The following BNC2 variants were observed in gnomAD, a reference collection of about 807,000 sequenced individuals.
BNC2 encodes zinc finger protein basonuclin-2.
BNC2 carries 20 observed loss-of-function variants against 76.3 expected under a neutral mutation model. The ratio of observed to expected loss-of-function variants is 0.26; its 90% CI spans 0.18 to 0.38. BNC2 has a LOEUF of 0.38. Ranked by LOEUF, BNC2 falls within the 10% of genes least tolerant of loss-of-function variation. BNC2 has a pLI of 1.00. For missense variants in BNC2, 1,382 were observed against 1,399.8 expected (o/e 0.99, Z 0.20); for synonymous variants, 582 against 514.8 (o/e 1.13, Z -1.77).
At chr9:16,556,485 C>T (rs1818835306) in intron 4 of BNC2, among the ~76,000 whole-genome samples, 1 of 150,584 alleles carries the variant, frequency 6.6e-6, no homozygotes, top group Non-Finnish European at 1.5e-5. Flanking sequence ...AAATATTAAA[C>T]TGGGCCAGGC....
At position 16,435,640 on chromosome 9, in the gene BNC2, A is replaced by T; in HGVS notation, c.2554T>A (p.Tyr852Asn). The T allele has an allele frequency of 6.2e-7, 1 of 1,614,170 alleles. No homozygotes were observed. Among genetic ancestry groups the T allele is most frequent in the Non-Finnish European group, 8.5e-7 (1 of 1,180,012 alleles). Residue 852 changes from tyrosine (Y) to asparagine (N), a missense_variant, in exon 6 of 7, where the codon TAC (tyrosine) becomes AAC (asparagine). By Grantham distance (143) the Tyr-to-Asn change is moderately radical (BLOSUM62 -2). Around this residue, in one of 3 missense-constraint regions of BNC2, gnomAD observed 798 missense variants for 775.5 expected, o/e 1.03. Transcript: ENST00000380672. ...ATCTCTTTCAAGTGAACGTTCCTGT[A>T]GTGAAGTTTCACACTGTAGGAGCTT... ...FKSSYSVKLH[Y>N]RNVHLKEMHV... is the part of the protein sequence containing the mutation.
At chr9:16,586,200 ATGAGC>A (rs1487657144) in intron 3 of BNC2, among the ~76,000 whole-genome samples, 15 of 152,094 alleles carry the variant, frequency 9.9e-5, no homozygotes, top group African/African-American at 3.6e-4. Context: ...GCTCTCAGAC[ATGAGC>A]TGAATGGAGG....
At chr9:16,426,030 C>T (rs1018339271) in intron 6 of BNC2, among the ~76,000 whole-genome samples, 21 of 152,334 alleles carry the variant, frequency 1.4e-4, no homozygotes, top group African/African-American at 5.1e-4. Flanking sequence ...GAGTGTTACA[C>T]TGTGAACAGG....
intron 5 of BNC2, among the ~76,000 whole-genome samples, chr9:16,496,133 T>C (rs1224344132): frequency 6.6e-6 from 1 of 152,016 alleles, no homozygotes; most frequent in Admixed American, 6.6e-5. Flanking sequence ...GGTCTCTAAC[T>C]CCTGACCTCA....
chr9:16,523,659 G>A (rs902919665), intron 5 of BNC2, among the ~76,000 whole-genome samples: 13 of 152,114 alleles, frequency 8.5e-5, no homozygotes, highest in Non-Finnish European at 1.8e-4. Flanking sequence ...CCAGCGCGGT[G>A]GCTCACACCT....
chr9:16,453,951 G>A (rs541946005), intron 5 of BNC2, among the ~76,000 whole-genome samples: 1 of 152,284 alleles, frequency 6.6e-6, no homozygotes, highest in East Asian at 1.9e-4. Context: ...CACTGCACCA[G>A]AACTAGAGAA....
intron 1 of BNC2, among the ~76,000 whole-genome samples, chr9:16,782,250 A>G (rs1826174399): frequency 6.6e-6 from 1 of 151,958 alleles, no homozygotes; most frequent in African/African-American, 2.4e-5. Flanking sequence ...GTGCCACTGC[A>G]CTCCAGCCTG....
At chr9:16,765,312 T>C (rs750101948) in intron 1 of BNC2, among the ~76,000 whole-genome samples, 56 of 152,280 alleles carry the variant, frequency 3.7e-4, no homozygotes, top group Admixed American at 1.0e-3. Context: ...ACTCCTAAAA[T>C]GCAATAATAA....
At chr9:16,453,035 T>A (rs574617228) in intron 5 of BNC2, among the ~76,000 whole-genome samples, 1 of 152,178 alleles carries the variant, frequency 6.6e-6, no homozygotes, top group Non-Finnish European at 1.5e-5. Flanking sequence ...ATTTAAACAA[T>A]GCAGTCTGTG....
At chr9:16,559,303 C>T (rs1024225945) in intron 4 of BNC2, among the ~76,000 whole-genome samples, 5 of 152,008 alleles carry the variant, frequency 3.3e-5, no homozygotes, top group Admixed American at 1.3e-4. Context: ...TATCAGCTAT[C>T]GTTAGTGTGT....
At chr9:16,659,837 TC>T (rs1049657542) in intron 3 of BNC2, among the ~76,000 whole-genome samples, 2 of 152,192 alleles carry the variant, frequency 1.3e-5, no homozygotes, top group African/African-American at 4.8e-5. Context: ...TCTGCTTTTT[TC>T]TTCATAGCCC....
intron 3 of BNC2, among the ~76,000 whole-genome samples, chr9:16,690,160 G>A (rs188291518): frequency 6.6e-6 from 1 of 152,220 alleles, no homozygotes; most frequent in Non-Finnish European, 1.5e-5. Context: ...GGGCGAAGAA[G>A]GAACCCACTG....
intron 3 of BNC2, among the ~76,000 whole-genome samples, chr9:16,614,399 T>C (rs185690924): frequency 8.3e-4 from 126 of 152,160 alleles, no homozygotes; most frequent in African/African-American, 2.8e-3. Context: ...GAGAAACAGA[T>C]TCAGTTTACT....
chr9:16,427,867 C>A (rs902421284), intron 6 of BNC2, among the ~76,000 whole-genome samples: 2 of 152,180 alleles, frequency 1.3e-5, no homozygotes, highest in African/African-American at 4.8e-5. Context: ...CCACTGTCAG[C>A]TGTTGCTGAG....
At chr9:16,514,766 C>G (rs1370278817) in intron 5 of BNC2, among the ~76,000 whole-genome samples, 2 of 152,058 alleles carry the variant, frequency 1.3e-5, no homozygotes, top group Non-Finnish European at 2.9e-5. Context: ...ATCCACGTCT[C>G]GATGATGACA....
At chr9:16,584,064 T>C (rs1051267950) in intron 3 of BNC2, among the ~76,000 whole-genome samples, 2 of 152,222 alleles carry the variant, frequency 1.3e-5, no homozygotes, top group Non-Finnish European at 2.9e-5. Context: ...CTAATTTGCA[T>C]AGAAATTCTG....
chr9:16,635,927 A>G lies in BNC2; in HGVS notation c.331-52842T>C, dbSNP rs113433854. Among the ~76,000 whole-genome samples the G allele has an allele frequency of 4.6e-5, 7 of 152,330 alleles. 1 individual carries two copies. Among genetic ancestry groups the G allele is most frequent in the African/African-American group, 1.7e-4 (7 of 41,580 alleles). ...TGGTGGTGAGGGCAGGGGACAAAAG[A>G]GTTCCCAAAAAGTAAGGGAATGTGT... is the stretch of plus-strand genomic sequence containing the variant. On this transcript the variant is annotated intron_variant, in intron 3 of 6. Coordinates refer to ENST00000380672, the MANE Select transcript of BNC2 (RefSeq NM_017637.6).
chr9:16,665,225 C>G, intron 3 of BNC2: 1 of 378,796 alleles, frequency 2.6e-6, no homozygotes, highest in Non-Finnish European at 5.1e-6. Flanking sequence ...AAAAAATTAG[C>G]CAGGCATGGT....
chr9:16,483,552 C>A (rs1257740539), intron 5 of BNC2, among the ~76,000 whole-genome samples: 2 of 152,076 alleles, frequency 1.3e-5, no homozygotes, highest in Non-Finnish European at 2.9e-5. Flanking sequence ...ACAGTATATG[C>A]CATGAAATAG....
Sources: gnomAD v4.1 joint callset for allele counts (sites outside exome capture counted in the v4.1 genomes callset) on GRCh38, gnomAD v4.1.1 for gene constraint, gnomAD v4.1.1 regional missense constraint, MANE v1.5 for transcripts, NCBI Gene and HGNC (gene_info 2026-07-23, HGNC 2026-07-21) for gene names.